The following ILRUN variants were observed in gnomAD, a reference collection of about 807,000 sequenced individuals.
The protein encoded by ILRUN is inflammation and lipid regulator with UBA-like and NBR1-like domains.
In ILRUN, 3 loss-of-function variants were observed where a neutral mutation model predicts 33.8. The ratio of observed to expected loss-of-function variants is 0.09; its 90% confidence interval spans 0.04 to 0.23. The LOEUF (loss-of-function observed/expected upper bound fraction) is 0.23. Among genes scored for constraint, ILRUN ranks in the 10% least tolerant of loss-of-function variants. ILRUN has a pLI of 1.00. For missense variants in ILRUN, 210 were observed against 375.1 expected (o/e 0.56, Z 3.64); for synonymous variants, 124 against 138.9 (o/e 0.89, Z 0.75).
At chr6:34,619,489 G>A (rs1028191191) in intron 3 of ILRUN, among the ~76,000 whole-genome samples, 4 of 151,946 alleles carry the variant, frequency 2.6e-5, no homozygotes, top group African/African-American at 9.7e-5. Flanking sequence ...TTGAGTAGCT[G>A]GGACTACACG....
At chr6:34,635,557 AAGGAAGGAAGGG>A (rs1762345940) in intron 3 of ILRUN, among the ~76,000 whole-genome samples, 2 of 132,046 alleles carry the variant, frequency 1.5e-5, no homozygotes, top group South Asian at 3.1e-4. Flanking sequence ...GGAAGGAAGG[AAGGAAGGAAGGG>A]AGGGAGGGAG....
At chr6:34,650,509 C>T (rs1762643754) in intron 2 of ILRUN, among the ~76,000 whole-genome samples, 1 of 151,932 alleles carries the variant, frequency 6.6e-6, no homozygotes, top group Non-Finnish European at 1.5e-5. Flanking sequence ...CAGCTCACTG[C>T]AACCTCCACC....
intron 1 of ILRUN, among the ~76,000 whole-genome samples, chr6:34,658,085 A>G (rs775445690): frequency 2.6e-5 from 4 of 152,322 alleles, no homozygotes; most frequent in Non-Finnish European, 5.9e-5. Flanking sequence ...GCTGTGACTC[A>G]CGCCTGTAAT....
At chr6:34,690,219 G>C (rs768226667) in intron 1 of ILRUN, among the ~76,000 whole-genome samples, 60 of 152,144 alleles carry the variant, frequency 3.9e-4, no homozygotes, top group Non-Finnish European at 8.7e-4. Context: ...CCAGCACTTT[G>C]GGAGGCTGAG....
chr6:34,615,577 CAG>C, intron 3 of ILRUN, among the ~76,000 whole-genome samples: 1 of 152,282 alleles, frequency 6.6e-6, no homozygotes, highest in Middle Eastern at 3.4e-3. Flanking sequence ...GCCTGGGACA[CAG>C]AGCGAGACTC....
chr6:34,612,170 T>A (rs564793223), intron 3 of ILRUN, among the ~76,000 whole-genome samples: 110 of 152,326 alleles, frequency 7.2e-4, no homozygotes, highest in African/African-American at 2.6e-3. Flanking sequence ...TCCCAGCACT[T>A]TGGGAAGCCA....
chr6:34,607,661 A>G (rs1761663112), intron 3 of ILRUN, among the ~76,000 whole-genome samples: 1 of 152,196 alleles, frequency 6.6e-6, no homozygotes. Flanking sequence ...AAACCTAGAT[A>G]GTAGAGCCTA....
chr6:34,654,486 A>G, intron 2 of ILRUN, 139 bp downstream of exon 2: 1 of 819,238 alleles, frequency 1.2e-6, no homozygotes, highest in Non-Finnish European at 1.9e-6. Flanking sequence ...TCACACCAGT[A>G]CAAGAAAATA....
intron 3 of ILRUN, among the ~76,000 whole-genome samples, chr6:34,608,477 T>A (rs1027848759): frequency 6.6e-6 from 1 of 152,182 alleles, no homozygotes; most frequent in African/African-American, 2.4e-5. Flanking sequence ...CCTAGGGAAC[T>A]TACCATGGAG....
intron 3 of ILRUN, among the ~76,000 whole-genome samples, chr6:34,627,955 C>G (rs1762172710): frequency 6.6e-6 from 1 of 151,502 alleles, no homozygotes. Context: ...CCACCCGCCT[C>G]AGTCCCCGAA....
At chr6:34,638,075 A>G (rs1232521062) in intron 3 of ILRUN, among the ~76,000 whole-genome samples, 1 of 151,948 alleles carries the variant, frequency 6.6e-6, no homozygotes, top group African/African-American at 2.4e-5. Flanking sequence ...TTTGGTAGAG[A>G]TGGAGTTTCA....
At chr6:34,666,085 C>T (rs2744949) in intron 1 of ILRUN, among the ~76,000 whole-genome samples, 67,712 of 152,014 alleles carry the variant, frequency 0.45, 17,102 homozygotes, top group African/African-American at 0.7. Flanking sequence ...AAAAGGTAAA[C>T]AAACCTTAGC....
intron 4 of ILRUN, among the ~76,000 whole-genome samples, chr6:34,601,705 G>GCC (rs774296206): frequency 1.7e-5 from 2 of 119,272 alleles, no homozygotes; most frequent in Admixed American, 8.0e-5. Context: ...TCCAGTACCC[G>GCC]CCCCCCCAAC....
At chr6:34,627,276 G>A (rs1250090633) in intron 3 of ILRUN, among the ~76,000 whole-genome samples, 1 of 152,132 alleles carries the variant, frequency 6.6e-6, no homozygotes, top group Non-Finnish European at 1.5e-5. Flanking sequence ...TTGTCTAGGT[G>A]TACCACACTT....
chr6:34,612,195 C>T (rs1368177677), intron 3 of ILRUN, among the ~76,000 whole-genome samples: 1 of 152,164 alleles, frequency 6.6e-6, no homozygotes, highest in African/African-American at 2.4e-5. Flanking sequence ...GAGCAGACTG[C>T]TTGAACTCAG....
intron 3 of ILRUN, among the ~76,000 whole-genome samples, chr6:34,619,947 T>C (rs1351068098): frequency 2.1e-5 from 3 of 140,362 alleles, no homozygotes; most frequent in Middle Eastern, 8.2e-3. Flanking sequence ...ATTGCACCAC[T>C]GCACTCCAGC....
At chr6:34,615,951 T>C (rs369343923) in intron 3 of ILRUN, among the ~76,000 whole-genome samples, 1 of 152,334 alleles carries the variant, frequency 6.6e-6, no homozygotes, top group East Asian at 1.9e-4. Flanking sequence ...CAGAGTCTGC[T>C]TTTGACCAGC....
At chr6:34,694,022 T>C (rs1189692627) in intron 1 of ILRUN, among the ~76,000 whole-genome samples, 1 of 152,068 alleles carries the variant, frequency 6.6e-6, no homozygotes, top group African/African-American at 2.4e-5. Context: ...GATCTCACTA[T>C]GTCACCCAGG....
At chr6:34,643,318 CGTGT>C (rs370000161) in intron 3 of ILRUN, among the ~76,000 whole-genome samples, 5 of 148,750 alleles carry the variant, frequency 3.4e-5, no homozygotes, top group Admixed American at 6.7e-5. Context: ...AAAAAAAGTG[CGTGT>C]GTGTGTGTGT....
Sources: gnomAD v4.1 joint callset for allele counts (sites outside exome capture counted in the v4.1 genomes callset) on GRCh38, gnomAD v4.1.1 for gene constraint, MANE v1.5 for transcripts, NCBI Gene and HGNC (gene_info 2026-07-23, HGNC 2026-07-21) for gene names.